EPHX1: variants seen among roughly 807,000 people sequenced by gnomAD.
The protein encoded by EPHX1 is epoxide hydratase.
EPHX1 carries 40 observed loss-of-function variants against 43.2 expected under a neutral mutation model. The observed-to-expected ratio is 0.93, with a 90% CI of 0.72 to 1.21. The LOEUF is 1.21. EPHX1 is among the 50% of genes most tolerant of loss of function. The pLI is 0.00. For missense variants in EPHX1, 550 were observed against 570.4 expected (o/e 0.96, Z 0.36); for synonymous variants, 221 against 226.7 (o/e 0.98, Z 0.22).
chr1:225,812,323 C>T (rs536680477), intron 1 of EPHX1, among the ~76,000 whole-genome samples: 1 of 152,336 alleles, frequency 6.6e-6, no homozygotes, highest in East Asian at 1.9e-4. Context: ...CTGTGACAAG[C>T]CACATGCTCT....
At position 225,839,206 on chromosome 1, in the gene EPHX1, A is replaced by T. The variant is rs1668164623; in HGVS notation, c.593-11A>T. On this transcript the variant is annotated splice_polypyrimidine_tract_variant and intron_variant, in intron 4 of 8. Coordinates refer to ENST00000272167, the MANE Select transcript of EPHX1 (RefSeq NM_001136018.4). ...ACTCCGTGACTCCATGCCTTTCCCC[A>T]TCACTGCCAGGGTTCAACTCGGTGG... is the stretch of plus-strand genomic sequence containing the variant. 6.2e-7 allele frequency: 1 copy of T among 1,613,984 alleles called. No individual in the cohort carries two copies. The highest frequency in any genetic ancestry group is 1.1e-5 in the South Asian group (1 of 91,076).
intron 3 of EPHX1, among the ~76,000 whole-genome samples, chr1:225,837,482 T>C (rs912809049): frequency 1.3e-5 from 2 of 152,210 alleles, no homozygotes; most frequent in Non-Finnish European, 2.9e-5. Flanking sequence ...ATGATGATGT[T>C]TTCAGCATTG....
chr1:225,823,272 T>C (rs1008463629), intron 1 of EPHX1, among the ~76,000 whole-genome samples: 7 of 152,086 alleles, frequency 4.6e-5, no homozygotes, highest in African/African-American at 7.2e-5. Context: ...CCACAAGTGA[T>C]TCACCACCTT....
At chr1:225,826,034 A>G (rs1397106254) in intron 1 of EPHX1, among the ~76,000 whole-genome samples, 1 of 152,178 alleles carries the variant, frequency 6.6e-6, no homozygotes, top group East Asian at 1.9e-4. Flanking sequence ...TTTCTGAATT[A>G]CTTAAATAAG....
At chr1:225,838,544 G>A (rs996296277) in intron 3 of EPHX1, 110 bp from the exon 4 acceptor site, 54 of 881,546 alleles carry the variant, frequency 6.1e-5, no homozygotes, top group African/African-American at 4.2e-4. Context: ...AAGGGGCGGC[G>A]GGGGCACTAA....
At chr1:225,814,546 C>T (rs546937384) in intron 1 of EPHX1, among the ~76,000 whole-genome samples, 24 of 152,344 alleles carry the variant, frequency 1.6e-4, no homozygotes, top group African/African-American at 4.6e-4. Context: ...GTCTCTGCCA[C>T]GGGCCCGCCT....
At chr1:225,843,553 G>C (rs1012716525) in intron 7 of EPHX1, among the ~76,000 whole-genome samples, 1 of 152,184 alleles carries the variant, frequency 6.6e-6, no homozygotes, top group African/African-American at 2.4e-5. Context: ...AGGGGGTCTG[G>C]CCTGCTCCTT....
intron 3 of EPHX1, among the ~76,000 whole-genome samples, chr1:225,835,964 G>A (rs1450050788): frequency 6.6e-6 from 1 of 152,152 alleles, no homozygotes; most frequent in Non-Finnish European, 1.5e-5. Flanking sequence ...ACCCTGCCCG[G>A]GGCTGGAGGC....
intron 7 of EPHX1, among the ~76,000 whole-genome samples, chr1:225,843,015 GA>G (rs1485136175): frequency 6.6e-6 from 1 of 152,202 alleles, no homozygotes; most frequent in African/African-American, 2.4e-5. Flanking sequence ...TTCCTTCAGT[GA>G]CACACAGGAC....
At chr1:225,824,682 C>T (rs895885483) in intron 1 of EPHX1, among the ~76,000 whole-genome samples, 2 of 152,114 alleles carry the variant, frequency 1.3e-5, no homozygotes, top group African/African-American at 2.4e-5. Flanking sequence ...ACAAAGCAGA[C>T]GGGGGGGTGT....
At chr1:225,839,163 A>T in intron 4 of EPHX1, 54 bp from the exon 5 acceptor site, 2 of 1,613,024 alleles carry the variant, frequency 1.2e-6, no homozygotes, top group Admixed American at 3.3e-5. Flanking sequence ...AGAGGGCCCA[A>T]GGAGCAATCT....
intron 2 of EPHX1, among the ~76,000 whole-genome samples, chr1:225,829,427 A>G (rs1667454089): frequency 6.6e-6 from 1 of 152,200 alleles, no homozygotes; most frequent in Admixed American, 6.5e-5. Context: ...TCAGGGGCAT[A>G]AAGCAACTCG....
chr1:225,844,454 TG>T, intron 7 of EPHX1, 43 bp from the exon 8 acceptor site: 1 of 1,490,010 alleles, frequency 6.7e-7, no homozygotes, highest in Non-Finnish European at 9.3e-7. Flanking sequence ...GTCACACAAC[TG>T]CATGTGGCAC....
chr1:225,842,443 T>C lies in EPHX1; in HGVS notation c.1009T>C (p.Phe337Leu), dbSNP rs775431839. The change falls in exon 7 of 9, where the codon TTC becomes CTC. Residue 337 changes from phenylalanine (F) to leucine (L), a missense_variant. By Grantham distance (22) the Phe-to-Leu change is conservative. Coordinates refer to ENST00000272167, the MANE Select transcript of EPHX1 (RefSeq NM_001136018.4). Reference protein sequence around the residue: ...EKFSTWTNTEFRYLEDGGLER... With the variant: ...EKFSTWTNTELRYLEDGGLER... ...GTTTTCCACCTGGACCAATACGGAATTCCGATACCTGGAGGATGGAGGCCT... is the reference window on the plus strand; with the variant it reads ...GTTTTCCACCTGGACCAATACGGAACTCCGATACCTGGAGGATGGAGGCCT... 12 of 1,613,902 alleles carry C rather than the reference T, an allele frequency of 7.4e-6. No homozygotes were observed. The highest frequency in any genetic ancestry group is 1.6e-4 in the Middle Eastern group (1 of 6,084).
At chr1:225,829,437 G>T (rs115912204) in intron 2 of EPHX1, among the ~76,000 whole-genome samples, 4 of 152,208 alleles carry the variant, frequency 2.6e-5, no homozygotes, top group Non-Finnish European at 4.4e-5. Context: ...AAAGCAACTC[G>T]TTCAAGGCGG....
chr1:225,839,835 G>C lies in EPHX1; in HGVS notation c.729G>C (p.Val243=), dbSNP rs772350745. ...TNMAQLVPSH[V]KGLHLNMALV... is the part of the protein sequence containing the mutation. ...CCCCTCTCTCTGCCTTCAGCCACGT[G>C]AAAGGCCTGCACTTGAACATGGCTT... Residue 243 remains valine, a synonymous_variant, in exon 6 of 9, where the codon GTG becomes GTC. Transcript: ENST00000272167. The C allele has an allele frequency of 6.2e-7, 1 of 1,613,838 alleles. No homozygotes were observed. Among genetic ancestry groups the C allele is most frequent in the Non-Finnish European group, 8.5e-7 (1 of 1,179,950 alleles).
At chr1:225,831,099 G>A (rs935670976) in intron 2 of EPHX1, among the ~76,000 whole-genome samples, 1 of 135,576 alleles carries the variant, frequency 7.4e-6, no homozygotes, top group African/African-American at 2.7e-5. Flanking sequence ...TCTGTGCATT[G>A]GCTGTGGCTG....
intron 1 of EPHX1, among the ~76,000 whole-genome samples, chr1:225,818,349 C>T (rs1666820154): frequency 6.6e-6 from 1 of 152,172 alleles, no homozygotes; most frequent in African/African-American, 2.4e-5. Context: ...CAGGAGCTTC[C>T]GTCCAGCTGT....
At chr1:225,842,155 G>T (rs1668480387) in intron 6 of EPHX1, among the ~76,000 whole-genome samples, 1 of 152,236 alleles carries the variant, frequency 6.6e-6, no homozygotes, top group East Asian at 1.9e-4. Flanking sequence ...ACAGTGGGAA[G>T]GTATCGTCCC....
Sources: allele counts gnomAD v4.1 joint callset (sites outside exome capture counted in the v4.1 genomes callset), GRCh38; gene constraint gnomAD v4.1.1; transcripts MANE v1.5; gene names NCBI Gene and HGNC (gene_info 2026-07-23, HGNC 2026-07-21).